The following NCKAP1 variants were observed in gnomAD, a reference collection of about 807,000 sequenced individuals.
NCKAP1 encodes nck-associated protein 1.
Under a neutral mutation model 151.2 loss-of-function variants are expected in NCKAP1, and 21 were observed. The observed-to-expected ratio is 0.14, with a 90% confidence interval of 0.10 to 0.20. The LOEUF (loss-of-function observed/expected upper bound fraction) is 0.20, where lower values mean the gene tolerates loss of function less well. Among genes scored for constraint, NCKAP1 ranks in the 10% least tolerant of loss-of-function variants. The pLI is 1.00. For synonymous variants in NCKAP1, 484 were observed against 451.8 expected (o/e 1.07, Z -0.90); for missense variants, 933 against 1,352.1 (o/e 0.69, Z 4.86).
chr2:182,930,774 C>T lies in NCKAP1; in HGVS notation c.2874G>A (p.Val958=). ...RETDMKVAMN[V]YELSSAAGLP... is the part of the protein sequence containing the mutation. ...ATCCGGCAGCTGATGATAACTCATA[C>T]ACATTCATTGCAACCTGATAAAAAC... Residue 958 remains valine, a synonymous_variant, in exon 27 of 31, where the codon GTG becomes GTA. Coordinates refer to ENST00000361354, the MANE Select transcript of NCKAP1 (RefSeq NM_013436.5). 1 of 1,613,070 alleles carries T rather than the reference C, an allele frequency of 6.2e-7. No individual in the cohort carries two copies. Among genetic ancestry groups the T allele is most frequent in the Non-Finnish European group, 8.5e-7 (1 of 1,179,140 alleles).
intron 20 of NCKAP1, among the ~76,000 whole-genome samples, chr2:182,953,572 G>A (rs751004016): frequency 1.2e-4 from 19 of 152,152 alleles, no homozygotes; most frequent in African/African-American, 1.9e-4. Flanking sequence ...AGGACGAGGC[G>A]GGCAGATGAC....
chr2:183,003,422 A>C, intron 2 of NCKAP1, 97 bp from the exon 3 acceptor site: 1 of 735,058 alleles, frequency 1.4e-6, no homozygotes, highest in South Asian at 1.8e-5. Flanking sequence ...ATGGAAGCAC[A>C]AGCTTTTAGA....
Position 182,915,000 on chromosome 2 carries a change from A to T in NCKAP1, c.*10702T>A, listed in dbSNP as rs566136847. The T allele has an allele frequency of 6.6e-6, 1 of 152,288 alleles. No individual in the cohort carries two copies. The highest frequency in any genetic ancestry group is 2.4e-5 in the African/African-American group (1 of 41,564). The allele number at this position is 152,288 out of a possible 1,614,324, so 9.4% of individuals were successfully genotyped here. ...GGAATGCAGCCATACCGGGTGTCAG[A>T]GCATGTTGTGAGCACCTCTACCTGG... On this transcript the variant is annotated 3_prime_UTR_variant, in exon 31 of 31. Transcript: ENST00000361354.
intron 1 of NCKAP1, among the ~76,000 whole-genome samples, chr2:183,032,366 T>A (rs1407327759): frequency 6.6e-6 from 1 of 152,216 alleles, no homozygotes; most frequent in East Asian, 1.9e-4. Flanking sequence ...TCTAACACAG[T>A]CATGCATTGC....
At chr2:182,976,809 A>C in intron 15 of NCKAP1, 84 bp downstream of exon 15, 1 of 797,782 alleles carries the variant, frequency 1.3e-6, no homozygotes, top group South Asian at 2.7e-5. Flanking sequence ...TAGGTATATA[A>C]CAATGAATAT....
intron 17 of NCKAP1, among the ~76,000 whole-genome samples, chr2:182,962,865 A>G (rs2105834166): frequency 6.6e-6 from 1 of 150,730 alleles, no homozygotes; most frequent in Middle Eastern, 3.5e-3. Flanking sequence ...TCTCTACAGG[A>G]TTCTCTTTTT....
chr2:182,983,528 C>T (rs868359125), intron 10 of NCKAP1, 146 bp from the exon 11 acceptor site: 4 of 529,522 alleles, frequency 7.6e-6, no homozygotes, highest in Middle Eastern at 4.0e-4. Flanking sequence ...ATGTGTCTAT[C>T]GTTAAGTGAG....
At chr2:182,958,045 A>C (rs1575029865) in intron 18 of NCKAP1, among the ~76,000 whole-genome samples, 1 of 152,248 alleles carries the variant, frequency 6.6e-6, no homozygotes, top group East Asian at 1.9e-4. Flanking sequence ...TTCAACTATT[A>C]GGAAGGGCCT....
intron 2 of NCKAP1, among the ~76,000 whole-genome samples, chr2:183,018,479 C>A (rs533123792): frequency 4.6e-5 from 7 of 152,218 alleles, no homozygotes; most frequent in African/African-American, 1.7e-4. Context: ...CCTTCTAAGT[C>A]CTTACCAAAC....
rs531017434 is a variant in NCKAP1 at position 182,961,058 on chromosome 2, C to T, written c.1881+1101G>A. ...TACCATCTTACACCAGTTAGAATGG[C>T]GATCATTAAAAAGTCAGAAAGCAAC... On this transcript the variant is annotated intron_variant, in intron 18 of 30. Coordinates refer to ENST00000361354, the MANE Select transcript of NCKAP1 (RefSeq NM_013436.5). 3.1e-3 allele frequency among the ~76,000 whole-genome samples: 474 copies of T among 152,216 alleles called. 6 individuals are homozygous for T. The highest frequency in any genetic ancestry group is 0.011 in the African/African-American group (449 of 41,532).
At chr2:182,933,433 G>A (rs926956243) in intron 26 of NCKAP1, among the ~76,000 whole-genome samples, 3 of 118,144 alleles carry the variant, frequency 2.5e-5, no homozygotes, top group Non-Finnish European at 3.3e-5. Context: ...TGCTCCTGTT[G>A]CCCAGGCTGG....
At chr2:182,987,273 A>T (rs1313284401) in intron 9 of NCKAP1, among the ~76,000 whole-genome samples, 1 of 152,094 alleles carries the variant, frequency 6.6e-6, no homozygotes, top group Non-Finnish European at 1.5e-5. Context: ...GTAAATAAAT[A>T]AAAATCTCTT....
Position 183,002,170 on chromosome 2 carries a change from T to C in NCKAP1, c.469A>G (p.Ile157Val). The C allele has an allele frequency of 6.2e-7, 1 of 1,612,600 alleles. No homozygotes were observed. The highest frequency in any genetic ancestry group is 8.5e-7 in the Non-Finnish European group (1 of 1,178,754). Residue 157 changes from isoleucine (I) to valine (V), a missense_variant, in exon 5 of 31, where the codon ATT (isoleucine) becomes GTT (valine). Ile to Val is a conservative substitution (Grantham distance 29). Transcript: ENST00000361354. Reference protein sequence around the residue: ...LSRIEERKAIIGLYNYAHEMT... With the variant: ...LSRIEERKAIVGLYNYAHEMT... ...TCATGGGCATAGTTGTATAATCCAA[T>C]GATTGCCTTCCTTTCTTCAATTCGA... is the stretch of plus-strand genomic sequence containing the variant.
chr2:183,018,078 T>C (rs1443894530), intron 2 of NCKAP1, among the ~76,000 whole-genome samples: 1 of 152,008 alleles, frequency 6.6e-6, no homozygotes, highest in Non-Finnish European at 1.5e-5. Context: ...GTGAAACCCG[T>C]CTCTACTAAA....
rs201157487 is a variant in NCKAP1, at chr2:183,002,057, T to C, written c.513-14A>G. Reference sequence around the variant, plus strand: ...TATTCTCTGTCACTTAAAACAGACATATCAAATTTCAATGAGTTGTAATCC... The same window carrying C: ...TATTCTCTGTCACTTAAAACAGACACATCAAATTTCAATGAGTTGTAATCC... On this transcript the variant is annotated splice_polypyrimidine_tract_variant and intron_variant, in intron 5 of 30. Transcript: ENST00000361354. 2 of 1,612,858 alleles carry C rather than the reference T, an allele frequency of 1.2e-6. No homozygotes were observed. The highest frequency in any genetic ancestry group is 1.7e-6 in the Non-Finnish European group (2 of 1,179,036).
At chr2:183,005,422 T>G (rs1698451726) in intron 2 of NCKAP1, among the ~76,000 whole-genome samples, 1 of 152,154 alleles carries the variant, frequency 6.6e-6, no homozygotes, top group Admixed American at 6.6e-5. Flanking sequence ...ATTAAGAACC[T>G]AAGACCTACA....
chr2:182,983,255 C>G (rs765805636), intron 11 of NCKAP1, 31 bp downstream of exon 11: 6 of 1,476,906 alleles, frequency 4.1e-6, no homozygotes, highest in Non-Finnish European at 5.6e-6. Context: ...TAATATGGCA[C>G]AATTATTGAA....
In NCKAP1 at chr2:182,953,262, T is replaced by C; in HGVS notation, c.2223A>G (p.Thr741=). 1 of 1,613,674 alleles carries C rather than the reference T, an allele frequency of 6.2e-7. No homozygotes were observed. Among genetic ancestry groups the C allele is most frequent in the South Asian group, 1.1e-5 (1 of 91,060 alleles). ...GTACGGTCATGTATGCTCTTACACT[T>C]GTTAGAAGTTCTGAAGGTTTTGCAA... The part of the protein sequence containing the change: ...QEIAKPSELL[T]SVRAYMTVLQ... Residue 741 remains threonine (T), a synonymous_variant, in exon 21 of 31, where the codon ACA becomes ACG. Coordinates refer to ENST00000361354, the MANE Select transcript of NCKAP1 (RefSeq NM_013436.5).
At chr2:182,973,462 T>C (rs148350049) in intron 15 of NCKAP1, among the ~76,000 whole-genome samples, 1 of 151,852 alleles carries the variant, frequency 6.6e-6, no homozygotes, top group Non-Finnish European at 1.5e-5. Context: ...TAGAAAAGAA[T>C]GACAAAAATA....
Sources: allele counts gnomAD v4.1 joint callset (sites outside exome capture counted in the v4.1 genomes callset), GRCh38; gene constraint gnomAD v4.1.1; transcripts MANE v1.5; gene names NCBI Gene and HGNC (gene_info 2026-07-23, HGNC 2026-07-21).